Variants in TNS1 observed in about 807,000 individuals in gnomAD.
The protein encoded by TNS1 is tensin-1.
A neutral mutation model predicts 168.6 loss-of-function variants in TNS1; 62 were observed. The observed-to-expected ratio is 0.37, with a 90% CI of 0.30 to 0.45. The LOEUF is 0.45. TNS1 is among the 20% of genes least tolerant of loss of function. The probability of loss-of-function intolerance (pLI) is 1.00; values close to 1 mark genes in which losing one functional copy is unlikely to be tolerated. For missense variants in TNS1, 2,240 were observed against 2,339.4 expected, an observed-to-expected ratio of 0.96 and a Z score of 0.88; for synonymous variants, 934 against 933.2, an observed-to-expected ratio of 1.00 and a Z score of -0.02.
chr2:217,935,210 G>A lies in TNS1; in HGVS notation c.187-14974C>T, dbSNP rs146359078. Reference sequence around the variant, plus strand: ...GAGGAAGGAGTTGCAGCCAGACAGCGGTTACTGGGGAGGAATCACTTTCCA... The same window carrying A: ...GAGGAAGGAGTTGCAGCCAGACAGCAGTTACTGGGGAGGAATCACTTTCCA... On this transcript the variant is annotated intron_variant, in intron 3 of 32. Coordinates refer to ENST00000682258, the MANE Select transcript of TNS1 (RefSeq NM_001387777.1). Among the ~76,000 whole-genome samples the A allele has an allele frequency of 8.1e-3, 1,236 of 152,326 alleles. 7 individuals are homozygous for A. Among genetic ancestry groups the A allele is most frequent in the Non-Finnish European group, 0.013 (877 of 68,022 alleles).
At chr2:217,831,197 G>A (rs567654613) in intron 22 of TNS1, among the ~76,000 whole-genome samples, 1 of 152,278 alleles carries the variant, frequency 6.6e-6, no homozygotes, top group South Asian at 2.1e-4. Flanking sequence ...CACCACCAAG[G>A]AAACTGAGAC....
Position 217,996,385 on chromosome 2 carries a change from G to A in TNS1, c.34-5329C>T, listed in dbSNP as rs144431234. 1.5e-3 allele frequency among the ~76,000 whole-genome samples: 230 copies of A among 152,232 alleles called. 1 individual carries two copies. The highest frequency in any genetic ancestry group is 0.012 in the South Asian group (58 of 4,830). ...GGAGGCCTGGTGGGCATCCAGCGTC[G>A]TTTATGTGGGGAAGGCTCAGATCCC... is the stretch of plus-strand genomic sequence containing the variant. On this transcript the variant is annotated intron_variant, in intron 1 of 32. Transcript: ENST00000682258.
At chr2:217,890,859 C>A in intron 12 of TNS1, 103 bp downstream of exon 12, 1 of 1,296,008 alleles carries the variant, frequency 7.7e-7, no homozygotes, top group Non-Finnish European at 1.1e-6. Flanking sequence ...GGTACACCCC[C>A]ACCTAGGCAC....
At chr2:217,808,258 CAGGAG>C in intron 31 of TNS1, 151 bp from the exon 32 acceptor site, 1 of 922,702 alleles carries the variant, frequency 1.1e-6, no homozygotes, top group Non-Finnish European at 1.7e-6. Flanking sequence ...TCCCCAGGGA[CAGGAG>C]CTGCCCAAGA....
chr2:217,900,557 G>A, intron 6 of TNS1, 45 bp from the exon 7 acceptor site: 2 of 1,523,022 alleles, frequency 1.3e-6, no homozygotes, highest in South Asian at 1.2e-5. Flanking sequence ...GGGTGGGCAG[G>A]ATGGCAGGAG....
intron 18 of TNS1, among the ~76,000 whole-genome samples, chr2:217,866,993 G>A (rs1178959340): frequency 6.6e-6 from 1 of 152,162 alleles, no homozygotes; most frequent in East Asian, 1.9e-4. Context: ...AGAAATGGTG[G>A]GTGTCAGAAT....
At position 217,952,672 on chromosome 2, in the gene TNS1, C is replaced by T. The variant is rs561882603; in HGVS notation, c.186+26093G>A. Among the ~76,000 whole-genome samples the T allele has an allele frequency of 1.1e-4, 17 of 152,308 alleles. No individual in the cohort carries two copies. The East Asian group carries it at 1.5e-3, about 14-fold the overall frequency. On this transcript the variant is annotated intron_variant, in intron 3 of 32. Coordinates refer to ENST00000682258, the MANE Select transcript of TNS1 (RefSeq NM_001387777.1). The stretch of plus-strand genomic sequence containing the variant: ...GGATGGCGTGGACACTTGACCTTTA[C>T]GCTGGTAGGCTTCAAGGTGGCTGGA...
intron 1 of TNS1, among the ~76,000 whole-genome samples, chr2:217,997,899 A>T (rs1261848404): frequency 6.6e-6 from 1 of 152,256 alleles, no homozygotes; most frequent in East Asian, 1.9e-4. Flanking sequence ...CTCTGAGTCT[A>T]GCACAAGTCT....
chr2:217,884,684 C>T (rs1162965252), intron 16 of TNS1, among the ~76,000 whole-genome samples: 1 of 151,454 alleles, frequency 6.6e-6, no homozygotes, highest in African/African-American at 2.4e-5. Flanking sequence ...TAGCCCAAAG[C>T]AGATGCCCAG....
At chr2:217,865,358 G>A (rs1559264515) in intron 18 of TNS1, among the ~76,000 whole-genome samples, 1 of 152,212 alleles carries the variant, frequency 6.6e-6, no homozygotes, top group Non-Finnish European at 1.5e-5. Flanking sequence ...CAGAAGCCAG[G>A]GCACCACCCT....
At chr2:218,015,119 T>A (rs1019496523), upstream of TNS1, among the ~76,000 whole-genome samples, 34 of 152,254 alleles carry the variant, frequency 2.2e-4, no homozygotes, top group African/African-American at 8.2e-4. Context: ...ATCTCCCTGT[T>A]CTGAAACAGC....
At chr2:217,955,965 G>A (rs1456532604) in intron 3 of TNS1, among the ~76,000 whole-genome samples, 2 of 152,066 alleles carry the variant, frequency 1.3e-5, no homozygotes, top group African/African-American at 4.8e-5. Context: ...GGTTGTTCTG[G>A]GGCCTCTGCA....
At chr2:217,888,234 G>A (rs985943199) in intron 12 of TNS1, among the ~76,000 whole-genome samples, 3 of 152,204 alleles carry the variant, frequency 2.0e-5, no homozygotes, top group East Asian at 3.9e-4. Context: ...TGAGTCCGGA[G>A]GCGGGTGACA....
intron 3 of TNS1, among the ~76,000 whole-genome samples, chr2:217,929,860 T>G (rs1235077828): frequency 1.3e-5 from 2 of 152,158 alleles, no homozygotes; most frequent in Admixed American, 1.3e-4. Flanking sequence ...ATCATAGAGA[T>G]GATTGCAACA....
intron 1 of TNS1, among the ~76,000 whole-genome samples, chr2:218,009,042 C>T (rs968939094): frequency 7.2e-5 from 11 of 152,212 alleles, no homozygotes; most frequent in Non-Finnish European, 1.5e-4. Flanking sequence ...CAGGCAGATC[C>T]TGTAACTAGC....
chr2:217,917,828 T>TAAAA (rs1955212737), intron 4 of TNS1, among the ~76,000 whole-genome samples: 1 of 62,912 alleles, frequency 1.6e-5, no homozygotes, highest in African/African-American at 8.8e-5. Flanking sequence ...GAGACTGTTC[T>TAAAA]CAAAAAAAAA....
At chr2:217,840,527 C>A (rs1045893582) in intron 19 of TNS1, among the ~76,000 whole-genome samples, 1 of 152,276 alleles carries the variant, frequency 6.6e-6, no homozygotes, top group African/African-American at 2.4e-5. Flanking sequence ...CAGAGGTGGT[C>A]TCAGGCAGGG....
chr2:217,857,975 C>T (rs1032100843), intron 18 of TNS1, among the ~76,000 whole-genome samples: 8 of 152,138 alleles, frequency 5.3e-5, no homozygotes, highest in Non-Finnish European at 1.2e-4. Flanking sequence ...AGTCAAGCTG[C>T]CAAAATCTCT....
intron 3 of TNS1, among the ~76,000 whole-genome samples, chr2:217,930,010 C>T (rs138174448): frequency 5.9e-5 from 9 of 152,328 alleles, no homozygotes; most frequent in South Asian, 2.1e-4. Context: ...TCCCAGCTCA[C>T]GGGAGAAAGT....
Sources: gnomAD v4.1 joint callset for allele counts (sites outside exome capture counted in the v4.1 genomes callset) on GRCh38, gnomAD v4.1.1 for gene constraint, MANE v1.5 for transcripts, NCBI Gene and HGNC (gene_info 2026-07-23, HGNC 2026-07-21) for gene names.